RABGAP1L: variants seen among roughly 807,000 people sequenced by gnomAD.
RABGAP1L encodes the protein RAB GTPase activating protein 1 like.
Under a neutral mutation model 137.7 loss-of-function variants are expected in RABGAP1L, and 63 were observed. That is an observed-to-expected ratio of 0.46 (90% CI 0.37 to 0.56). The LOEUF (loss-of-function observed/expected upper bound fraction) is 0.56, where lower values mean the gene tolerates loss of function less well. Among genes scored for constraint, RABGAP1L ranks in the 20% least tolerant of loss-of-function variants. RABGAP1L has a pLI of 0.00. For synonymous variants in RABGAP1L, 431 were observed against 433.7 expected, an observed-to-expected ratio of 0.99 and a Z score of 0.08; for missense variants, 1,095 against 1,244.0, an observed-to-expected ratio of 0.88 and a Z score of 1.80.
intron 13 of RABGAP1L, among the ~76,000 whole-genome samples, chr1:174,471,693 C>T (rs1430994270): frequency 6.6e-6 from 1 of 152,138 alleles, no homozygotes; most frequent in Non-Finnish European, 1.5e-5. Flanking sequence ...AGTAGAAACT[C>T]ATAATGATTG....
At chr1:174,601,242 C>A (rs183123155) in intron 13 of RABGAP1L, among the ~76,000 whole-genome samples, 25 of 152,316 alleles carry the variant, frequency 1.6e-4, no homozygotes, top group Middle Eastern at 3.4e-3. Flanking sequence ...CTACTTTTTC[C>A]TCCGGGGCCT....
intron 13 of RABGAP1L, among the ~76,000 whole-genome samples, chr1:174,494,145 G>A (rs1220940372): frequency 6.6e-6 from 1 of 152,090 alleles, no homozygotes; most frequent in Non-Finnish European, 1.5e-5. Context: ...TACTCTGTTG[G>A]TGGTTTGGAA....
intron 1 of RABGAP1L, among the ~76,000 whole-genome samples, chr1:174,174,754 A>G (rs1480807283): frequency 6.6e-6 from 1 of 152,244 alleles, no homozygotes; most frequent in African/African-American, 2.4e-5. Flanking sequence ...GCTCCAGAAC[A>G]GAGAGTGAGT....
chr1:174,611,271 C>T (rs377119621), intron 13 of RABGAP1L, among the ~76,000 whole-genome samples: 25 of 150,246 alleles, frequency 1.7e-4, no homozygotes, highest in South Asian at 6.3e-4. Flanking sequence ...GCTTTCTACA[C>T]ATGGCTAGCC....
intron 11 of RABGAP1L, among the ~76,000 whole-genome samples, chr1:174,355,779 T>A (rs1329938217): frequency 6.6e-6 from 1 of 152,160 alleles, no homozygotes; most frequent in Non-Finnish European, 1.5e-5. Context: ...AGGGATTTTT[T>A]AATTAAAAAC....
chr1:174,238,364 GT>G lies in RABGAP1L; in HGVS notation c.543-3114del, dbSNP rs1432157037. Among the ~76,000 whole-genome samples, 2 of 152,032 alleles carry G rather than the reference GT, an allele frequency of 1.3e-5. 1 individual carries two copies. The highest frequency in any genetic ancestry group is 4.1e-4 in the South Asian group (2 of 4,828). On this transcript the variant is annotated intron_variant, in intron 4 of 25. Coordinates refer to ENST00000681986, the MANE Select transcript of RABGAP1L (RefSeq NM_001366446.1). Reference sequence around the variant, plus strand: ...GACGCTCTGCGTTTTAGAGTTTCCAGTTTTTCTGTTCTGTTTTTTCCCCATC... The same window carrying G: ...GACGCTCTGCGTTTTAGAGTTTCCAGTTTTCTGTTCTGTTTTTTCCCCATC...
At chr1:174,396,931 G>T (rs1194078195) in intron 13 of RABGAP1L, among the ~76,000 whole-genome samples, 3 of 147,652 alleles carry the variant, frequency 2.0e-5, no homozygotes, top group African/African-American at 7.5e-5. Context: ...TTGAGCCCAC[G>T]ATTTCAAGAC....
At chr1:174,343,540 TA>T (rs2148898319) in intron 11 of RABGAP1L, among the ~76,000 whole-genome samples, 1 of 152,344 alleles carries the variant, frequency 6.6e-6, no homozygotes, top group South Asian at 2.1e-4. Flanking sequence ...TAGCAAGTTT[TA>T]AATATTTATC....
intron 13 of RABGAP1L, among the ~76,000 whole-genome samples, chr1:174,409,188 A>G (rs1649621010): frequency 6.6e-6 from 1 of 152,198 alleles, no homozygotes; most frequent in Non-Finnish European, 1.5e-5. Flanking sequence ...CGGCAGAAGA[A>G]CATAAATTGT....
intron 10 of RABGAP1L, among the ~76,000 whole-genome samples, chr1:174,295,079 C>T (rs1457118118): frequency 9.9e-5 from 15 of 150,946 alleles, no homozygotes; most frequent in Admixed American, 5.3e-4. Flanking sequence ...CCACCATGCC[C>T]GGCTAATTTT....
At chr1:174,407,530 C>T (rs182956038) in intron 13 of RABGAP1L, among the ~76,000 whole-genome samples, 1 of 152,222 alleles carries the variant, frequency 6.6e-6, no homozygotes, top group East Asian at 1.9e-4. Context: ...AGTCAGTTAA[C>T]ATGTATCTTG....
At chr1:174,566,327 C>T (rs56927956) in intron 13 of RABGAP1L, among the ~76,000 whole-genome samples, 6,465 of 151,994 alleles carry the variant, frequency 0.043, 471 homozygotes, top group African/African-American at 0.15. Flanking sequence ...GTTTTAATTT[C>T]GTTTTTTCTT....
chr1:174,660,432 T>A (rs1676288788), intron 14 of RABGAP1L, among the ~76,000 whole-genome samples: 1 of 152,164 alleles, frequency 6.6e-6, no homozygotes, highest in Admixed American at 6.5e-5. Flanking sequence ...CACAACCAGT[T>A]TTTTAGGAAA....
intron 5 of RABGAP1L, among the ~76,000 whole-genome samples, chr1:174,243,823 C>G (rs1188736469): frequency 6.6e-6 from 1 of 152,132 alleles, no homozygotes; most frequent in African/African-American, 2.4e-5. Context: ...GGCTAAGAGA[C>G]TGGGTGATAG....
intron 18 of RABGAP1L, among the ~76,000 whole-genome samples, chr1:174,774,995 A>C (rs1312372043): frequency 6.6e-6 from 1 of 152,262 alleles, no homozygotes; most frequent in East Asian, 1.9e-4. Flanking sequence ...GCTCAGTTAC[A>C]TAAGATCACT....
intron 19 of RABGAP1L, among the ~76,000 whole-genome samples, chr1:174,864,962 C>G (rs956439587): frequency 4.6e-5 from 7 of 152,094 alleles, no homozygotes; most frequent in African/African-American, 1.7e-4. Flanking sequence ...ACAAAACCTA[C>G]AAAAATTAGC....
At chr1:174,857,553 T>C (rs1649528882) in intron 19 of RABGAP1L, among the ~76,000 whole-genome samples, 1 of 152,212 alleles carries the variant, frequency 6.6e-6, no homozygotes, top group South Asian at 2.1e-4. Flanking sequence ...TTTTTGATAA[T>C]AAATTCATCA....
At chr1:174,208,188 T>C (rs1668627585) in intron 1 of RABGAP1L, among the ~76,000 whole-genome samples, 1 of 152,192 alleles carries the variant, frequency 6.6e-6, no homozygotes, top group African/African-American at 2.4e-5. Context: ...GTCCATTGTA[T>C]GTAGGGAGGA....
At chr1:174,456,118 A>G (rs1045080388) in intron 13 of RABGAP1L, among the ~76,000 whole-genome samples, 1 of 152,132 alleles carries the variant, frequency 6.6e-6, no homozygotes, top group African/African-American at 2.4e-5. Context: ...AGGAAAAATT[A>G]TTTTAAAATT....
Sources: gnomAD v4.1 joint callset for allele counts (sites outside exome capture counted in the v4.1 genomes callset) on GRCh38, gnomAD v4.1.1 for gene constraint, MANE v1.5 for transcripts, NCBI Gene and HGNC (gene_info 2026-07-23, HGNC 2026-07-21) for gene names.